Variants in RNF6 observed in about 807,000 individuals in gnomAD.
The protein encoded by RNF6 is E3 ubiquitin-protein ligase RNF6.
RNF6 carries 21 observed loss-of-function variants against 50.1 expected under a neutral mutation model. That is an observed-to-expected ratio of 0.42 (90% CI 0.30 to 0.60). RNF6 has a LOEUF of 0.60. RNF6 is among the 20% of genes least tolerant of loss of function. RNF6 has a pLI of 0.20. For synonymous variants in RNF6, 255 were observed against 291.8 expected (o/e 0.87, Z 1.29); for missense variants, 698 against 838.2 (o/e 0.83, Z 2.07).
intron 5 of RNF6, among the ~76,000 whole-genome samples, chr13:26,148,631 TTTATA>T (rs1464968808): frequency 0.045 from 3,481 of 77,760 alleles, 86 homozygotes; most frequent in East Asian, 0.1. Flanking sequence ...TATAAATCTC[TTTATA>T]TATATATATA....
chr13:26,203,033 G>A (rs1253728901), intron 5 of RNF6, among the ~76,000 whole-genome samples: 2 of 152,198 alleles, frequency 1.3e-5, no homozygotes, highest in Middle Eastern at 3.2e-3. Context: ...TTTTACAAAT[G>A]GAAAAACAGA....
intron 5 of RNF6, among the ~76,000 whole-genome samples, chr13:26,139,859 G>A (rs544918158): frequency 6.6e-6 from 1 of 151,840 alleles, no homozygotes; most frequent in East Asian, 1.9e-4. Context: ...TTTTTTCAGA[G>A]ACTGGGTCTC....
At chr13:26,209,784 G>GATATATATATATATATATATATAT (rs1165114430), downstream of RNF6, among the ~76,000 whole-genome samples, 1 of 145,532 alleles carries the variant, frequency 6.9e-6, no homozygotes, top group Non-Finnish European at 1.5e-5. Flanking sequence ...GAGAAGATGT[G>GATATATATATATATATATATATAT]AGATATATAT....
chr13:26,147,662 T>C (rs754210947), intron 5 of RNF6, among the ~76,000 whole-genome samples: 1 of 152,202 alleles, frequency 6.6e-6, no homozygotes, highest in Non-Finnish European at 1.5e-5. Flanking sequence ...CCAATCCATG[T>C]TCTCATTTAA....
chr13:26,180,783 A>T (rs1413854423), intron 5 of RNF6, among the ~76,000 whole-genome samples: 2 of 152,244 alleles, frequency 1.3e-5, no homozygotes, highest in Non-Finnish European at 2.9e-5. Context: ...TGCTCCAAAT[A>T]TCTGGGTGGC....
At chr13:26,222,819 C>A (rs1214529711), upstream of RNF6, among the ~76,000 whole-genome samples, 1 of 152,084 alleles carries the variant, frequency 6.6e-6, no homozygotes, top group African/African-American at 2.4e-5. Context: ...ACGGGGGTCT[C>A]GCTATGTTGC....
intron 5 of RNF6, among the ~76,000 whole-genome samples, chr13:26,146,845 AG>A (rs1223055256): frequency 6.6e-6 from 1 of 152,130 alleles, no homozygotes; most frequent in Non-Finnish European, 1.5e-5. Context: ...CCAGTGTTGG[AG>A]GAGAGGCTTG....
intron 5 of RNF6, among the ~76,000 whole-genome samples, chr13:26,137,608 A>G (rs1870717391): frequency 6.6e-6 from 1 of 151,554 alleles, no homozygotes; most frequent in Non-Finnish European, 1.5e-5. Flanking sequence ...ATATATAAGA[A>G]TATGTCTCAC....
At chr13:26,202,992 C>A (rs1158405186) in intron 5 of RNF6, among the ~76,000 whole-genome samples, 1 of 152,192 alleles carries the variant, frequency 6.6e-6, no homozygotes, top group Non-Finnish European at 1.5e-5. Flanking sequence ...TCTTACTTAA[C>A]CCCACTAGGT....
At chr13:26,209,587 T>TACCTAGAAAACCTGAACTCAGAGGG, downstream of RNF6, among the ~76,000 whole-genome samples, 1 of 152,216 alleles carries the variant, frequency 6.6e-6, no homozygotes, top group Non-Finnish European at 1.5e-5. Context: ...GAATTGACAC[T>TACCTAGAAAACCTGAACTCAGAGGG]ACCTAGAAAA....
rs114358188 is a variant in RNF6, at chr13:26,152,032, T to A, written n.769-19581A>T. On this transcript the variant is annotated intron_variant and non_coding_transcript_variant, in intron 5 of 5. Coordinates refer to the RNF6 transcript ENST00000468480. ...AGGATGAAGTCCAACCTTCTGCGGGTAACACACCAACCTCTTTTATAACCT... is the reference window on the plus strand; with the variant it reads ...AGGATGAAGTCCAACCTTCTGCGGGAAACACACCAACCTCTTTTATAACCT... Among the ~76,000 whole-genome samples, 804 of 152,254 alleles carry A rather than the reference T, an allele frequency of 5.3e-3. 11 individuals are homozygous for A. The highest frequency in any genetic ancestry group is 0.018 in the African/African-American group (760 of 41,542).
chr13:26,208,141 A>G (rs1869182238), downstream of RNF6, among the ~76,000 whole-genome samples: 2 of 152,248 alleles, frequency 1.3e-5, no homozygotes. Flanking sequence ...GGCTGGCCCT[A>G]GAAAGGCTTG....
chr13:26,141,951 G>A (rs1428817812), intron 5 of RNF6, among the ~76,000 whole-genome samples: 1 of 152,018 alleles, frequency 6.6e-6, no homozygotes, highest in African/African-American at 2.4e-5. Context: ...CCTTCATGAT[G>A]GGATAAAATA....
At chr13:26,169,981 C>T (rs188181547) in intron 5 of RNF6, among the ~76,000 whole-genome samples, 2 of 152,294 alleles carry the variant, frequency 1.3e-5, no homozygotes, top group African/African-American at 4.8e-5. Flanking sequence ...ACTTTGACAT[C>T]TCCTAACCTA....
Position 26,214,705 on chromosome 13 carries a change from G to A in RNF6, c.1177C>T (p.Arg393Ter), listed in dbSNP as rs762149904. The A allele has an allele frequency of 3.7e-6, 6 of 1,614,072 alleles. No individual in the cohort carries two copies. Among genetic ancestry groups the A allele is most frequent in the African/African-American group, 1.3e-5 (1 of 74,924 alleles). ...ESSRSSTAVR[R>*]HPTITLDLQV... ...AGGTCCAGTGTGATTGTTGGATGTC[G>A]TCGTACAGCAGTTGAGGATCTGCTG... The change falls in exon 5 of 5, where the codon CGA becomes TGA. Residue 393 changes from arginine (R) to a stop codon, truncating the protein, a stop_gained. Coordinates refer to ENST00000381588, the MANE Select transcript of RNF6 (RefSeq NM_005977.4). LOFTEE classifies it high-confidence loss of function.
rs552563997 is a variant in RNF6 at position 26,178,384 on chromosome 13, G to A, written n.768+37090C>T. On this transcript the variant is annotated intron_variant and non_coding_transcript_variant, in intron 5 of 5. Coordinates refer to the RNF6 transcript ENST00000468480. Reference sequence around the variant, plus strand: ...TGAAACGGGAGAGGGGTCTCTCTGGGGCCTCTTTTATGAGGGCATTAGTCC... The same window carrying A: ...TGAAACGGGAGAGGGGTCTCTCTGGAGCCTCTTTTATGAGGGCATTAGTCC... Among the ~76,000 whole-genome samples, 9 of 151,676 alleles carry A rather than the reference G, an allele frequency of 5.9e-5. No homozygotes were observed. The South Asian group carries it at 1.9e-3, about 32-fold the overall frequency.
chr13:26,201,783 C>T (rs1868906991), intron 5 of RNF6, among the ~76,000 whole-genome samples: 1 of 152,136 alleles, frequency 6.6e-6, no homozygotes, highest in African/African-American at 2.4e-5. Context: ...CAGACATGGG[C>T]TCAGATTCCT....
At chr13:26,150,128 T>C (rs1035793472) in intron 5 of RNF6, among the ~76,000 whole-genome samples, 1 of 151,294 alleles carries the variant, frequency 6.6e-6, no homozygotes, top group Non-Finnish European at 1.5e-5. Flanking sequence ...GTAAGTATTA[T>C]ACACTTGAAG....
intron 5 of RNF6, among the ~76,000 whole-genome samples, chr13:26,170,652 C>A (rs1379004289): frequency 6.6e-6 from 1 of 152,104 alleles, no homozygotes; most frequent in African/African-American, 2.4e-5. Flanking sequence ...CCAAATGTTC[C>A]CAGTTGAAAG....
Sources: allele counts gnomAD v4.1 joint callset (sites outside exome capture counted in the v4.1 genomes callset), GRCh38; gene constraint gnomAD v4.1.1; transcripts MANE v1.5; gene names NCBI Gene and HGNC (gene_info 2026-07-23, HGNC 2026-07-21).